NME7: variants seen among roughly 807,000 people sequenced by gnomAD.
NME7 encodes nucleoside diphosphate kinase 7.
Under a neutral mutation model 49.1 loss-of-function variants are expected in NME7, and 41 were observed. The ratio of observed to expected loss-of-function variants is 0.83; its 90% CI spans 0.65 to 1.08. The LOEUF (loss-of-function observed/expected upper bound fraction) is 1.08. Among genes scored for constraint, NME7 ranks in the 50% least tolerant of loss-of-function variants. NME7 has a pLI of 0.00. For missense variants in NME7, 423 were observed against 463.4 expected (o/e 0.91, Z 0.80); for synonymous variants, 139 against 150.6 (o/e 0.92, Z 0.56).
rs1189377634 is a variant in NME7, at chr1:169,260,121, A to C, written c.755-22434T>G. Among the ~76,000 whole-genome samples the C allele has an allele frequency of 2.2e-5, 3 of 133,964 alleles. 1 individual carries two copies. The highest frequency in any genetic ancestry group is 5.3e-5 in the Non-Finnish European group (3 of 56,926). The allele number at this position is 133,964 out of a possible 152,430, so 87.9% of individuals were successfully genotyped here. On this transcript the variant is annotated intron_variant, in intron 7 of 11. Coordinates refer to ENST00000367811, the MANE Select transcript of NME7 (RefSeq NM_013330.5). ...ATGTAAGTTGGTGATAGGTTAGAAA[A>C]GAACTAATAACTAAAATAAGTTAGA...
intron 10 of NME7, among the ~76,000 whole-genome samples, chr1:169,195,374 GCTTATTTATTTATCTA>G (rs1047953831): frequency 1.3e-5 from 2 of 151,890 alleles, no homozygotes; most frequent in African/African-American, 4.8e-5. Context: ...ACCACACCTG[GCTTATTTATTTATCTA>G]CTTATTTATT....
Position 169,367,725 on chromosome 1 carries a change from A to G in NME7, c.-15T>C, listed in dbSNP as rs1461291533. On this transcript the variant is annotated 5_prime_UTR_variant, in exon 1 of 12. Coordinates refer to ENST00000367811, the MANE Select transcript of NME7 (RefSeq NM_013330.5). ...GCACTCACCATTGTCTCAGGATCTC[A>G]GCACTAGAAAATAGGTATCGTTGAG... The G allele has an allele frequency of 1.2e-6, 2 of 1,614,048 alleles. No individual in the cohort carries two copies. The highest frequency in any genetic ancestry group is 2.7e-5 in the African/African-American group (2 of 74,938).
intron 5 of NME7, among the ~76,000 whole-genome samples, chr1:169,301,020 C>T (rs1011594280): frequency 1.3e-4 from 20 of 151,960 alleles, no homozygotes; most frequent in Non-Finnish European, 2.2e-4. Flanking sequence ...TGGACATTGG[C>T]CTGGGGAAAG....
intron 9 of NME7, among the ~76,000 whole-genome samples, chr1:169,233,657 C>T (rs981287927): frequency 6.6e-6 from 1 of 152,132 alleles, no homozygotes; most frequent in African/African-American, 2.4e-5. Context: ...GTACTCATAA[C>T]TCTACTCATT....
Position 169,355,032 on chromosome 1 carries a change from A to T in NME7, c.3+12676T>A, listed in dbSNP as rs1159988089. Among the ~76,000 whole-genome samples, 10 of 74,258 alleles carry T rather than the reference A, an allele frequency of 1.3e-4. 1 individual carries two copies. The highest frequency in any genetic ancestry group is 3.7e-4 in the African/African-American group (7 of 18,750). 48.7% of individuals were successfully genotyped at this position (74,258 alleles called of 152,430 possible). A position where few individuals can be genotyped will look rare whatever the true frequency, so the allele number is the denominator to read the frequency against. On this transcript the variant is annotated intron_variant, in intron 1 of 11. Transcript: ENST00000367811. Reference sequence around the variant, plus strand: ...TTTATATATAATATAATTATATATTATATATTATAGATATAATATATAATA... The same window carrying T: ...TTTATATATAATATAATTATATATTTTATATTATAGATATAATATATAATA...
intron 11 of NME7, among the ~76,000 whole-genome samples, chr1:169,149,528 C>G (rs767645525): frequency 1.3e-5 from 2 of 152,112 alleles, no homozygotes; most frequent in Admixed American, 6.5e-5. Flanking sequence ...CCTACATATA[C>G]TATGTTTTTT....
At chr1:169,152,613 G>T (rs1383209158) in intron 11 of NME7, among the ~76,000 whole-genome samples, 4 of 152,168 alleles carry the variant, frequency 2.6e-5, no homozygotes. Context: ...TGTTCTCATG[G>T]ATCATAGAGG....
chr1:169,298,818 G>A, intron 5 of NME7, 55 bp from the exon 6 acceptor site: 1 of 1,373,018 alleles, frequency 7.3e-7, no homozygotes, highest in Non-Finnish European at 1.0e-6. Flanking sequence ...CTAGGTATTT[G>A]TCTTAACGAC....
In NME7 at chr1:169,287,424, A is replaced by C; in HGVS notation, c.649-16T>G. ...ACTCCATTTCCTAAAGACAGAGAGA[A>C]ATGATTTTGACAAATGTGATCTCTT... On this transcript the variant is annotated splice_polypyrimidine_tract_variant and intron_variant, in intron 6 of 11. Transcript: ENST00000367811. The C allele has an allele frequency of 6.5e-7, 1 of 1,544,246 alleles. No individual in the cohort carries two copies. The highest frequency in any genetic ancestry group is 8.8e-7 in the Non-Finnish European group (1 of 1,139,480).
intron 10 of NME7, among the ~76,000 whole-genome samples, chr1:169,194,567 C>T (rs1161055928): frequency 6.6e-6 from 1 of 152,168 alleles, no homozygotes; most frequent in Non-Finnish European, 1.5e-5. Flanking sequence ...TCTGTTTCTG[C>T]TTTCCTCAGT....
chr1:169,225,297 T>C (rs1351426792), intron 10 of NME7, among the ~76,000 whole-genome samples: 1 of 152,108 alleles, frequency 6.6e-6, no homozygotes. Flanking sequence ...TTAGCAGAGA[T>C]GGGGTTTCGC....
rs148089276 is a variant in NME7, at chr1:169,250,146, C to T, written c.755-12459G>A. Among the ~76,000 whole-genome samples, 175 of 152,020 alleles carry T rather than the reference C, an allele frequency of 1.2e-3. 1 individual carries two copies. The highest frequency in any genetic ancestry group is 3.9e-3 in the African/African-American group (163 of 41,520). ...CAATTGTTTTGATTAGTGATTCAAT[C>T]GCACTGCTTGTTCTTGGTCTGTTCG... On this transcript the variant is annotated intron_variant, in intron 7 of 11. Transcript: ENST00000367811.
chr1:169,144,758 T>C (rs1253856291), intron 11 of NME7, among the ~76,000 whole-genome samples: 1 of 152,144 alleles, frequency 6.6e-6, no homozygotes, highest in East Asian at 1.9e-4. Context: ...CCAGGCACTG[T>C]GGCGTGCACC....
chr1:169,232,912 C>CTTTTTTTTTTTTTTTTTTTTTTT (rs10545228), intron 9 of NME7, among the ~76,000 whole-genome samples: 3 of 74,528 alleles, frequency 4.0e-5, no homozygotes, highest in Admixed American at 2.0e-4. Flanking sequence ...GTTTTCTTTT[C>CTTTTTTTTTTTTTTTTTTTTTTT]TTTTTTTTTT....
At chr1:169,183,200 T>C (rs1475812995) in intron 10 of NME7, among the ~76,000 whole-genome samples, 2 of 152,238 alleles carry the variant, frequency 1.3e-5, no homozygotes, top group East Asian at 1.9e-4. Flanking sequence ...TGCATGCTCA[T>C]AAATGACTTT....
chr1:169,156,987 C>T (rs1194953524), intron 11 of NME7, among the ~76,000 whole-genome samples: 1 of 152,184 alleles, frequency 6.6e-6, no homozygotes, highest in Admixed American at 6.5e-5. Flanking sequence ...TCCACATGCA[C>T]ATATTTCAGG....
chr1:169,261,943 C>T (rs537311150), intron 7 of NME7, among the ~76,000 whole-genome samples: 3 of 134,200 alleles, frequency 2.2e-5, no homozygotes, highest in South Asian at 2.3e-4. Flanking sequence ...TCTAGTCTCA[C>T]GTCCCAACCA....
intron 11 of NME7, among the ~76,000 whole-genome samples, chr1:169,151,611 T>A (rs1442670363): frequency 2.0e-5 from 3 of 152,174 alleles, no homozygotes; most frequent in Non-Finnish European, 4.4e-5. Context: ...AAGCCTGTGA[T>A]GATCCTTCCA....
At chr1:169,134,641 G>C (rs1296964287) in intron 11 of NME7, among the ~76,000 whole-genome samples, 1 of 152,174 alleles carries the variant, frequency 6.6e-6, no homozygotes, top group Non-Finnish European at 1.5e-5. Flanking sequence ...CTTGGTGTCA[G>C]AAGCTTTGCC....
Sources: gnomAD v4.1 joint callset for allele counts (sites outside exome capture counted in the v4.1 genomes callset) on GRCh38, gnomAD v4.1.1 for gene constraint, MANE v1.5 for transcripts, NCBI Gene and HGNC (gene_info 2026-07-23, HGNC 2026-07-21) for gene names.